Variants in KCNIP1 observed in about 807,000 individuals in gnomAD.
KCNIP1 encodes potassium voltage-gated channel interacting protein 1.
KCNIP1 carries 18 observed loss-of-function variants against 33.0 expected under a neutral mutation model. The ratio of observed to expected loss-of-function variants is 0.55; its 90% CI spans 0.38 to 0.81. The LOEUF (loss-of-function observed/expected upper bound fraction) is 0.81, where lower values mean the gene tolerates loss of function less well. KCNIP1 is among the 30% of genes least tolerant of loss of function. The probability of loss-of-function intolerance (pLI) is 0.00; values close to 1 mark genes in which losing one functional copy is unlikely to be tolerated. For missense variants in KCNIP1, 238 were observed against 271.6 expected (o/e 0.88, Z 0.87); for synonymous variants, 93 against 98.3 (o/e 0.95, Z 0.32).
At chr5:170,453,402 A>G (rs1020123186) in intron 1 of KCNIP1, among the ~76,000 whole-genome samples, 1 of 152,202 alleles carries the variant, frequency 6.6e-6, no homozygotes, top group Non-Finnish European at 1.5e-5. Context: ...CCACCATACC[A>G]CCAAAGAAAA....
chr5:170,388,018 G>GCC (rs3838244), intron 1 of KCNIP1, among the ~76,000 whole-genome samples: 4 of 148,796 alleles, frequency 2.7e-5, no homozygotes, highest in South Asian at 2.1e-4. Context: ...TGGCTAATCA[G>GCC]CCCCCCCCAG....
Position 170,672,325 on chromosome 5 carries a change from G to T in KCNIP1, c.62-46433G>T, listed in dbSNP as rs147498451. On this transcript the variant is annotated intron_variant, in intron 1 of 7. Transcript: ENST00000328939. ...AGCATGGAAGGGACTGGCATGGTGA[G>T]ACCTGTGATATGGAGAACTCCCTCT... 5.3e-5 allele frequency among the ~76,000 whole-genome samples: 8 copies of T among 152,348 alleles called. No homozygotes were observed. The East Asian group carries it at 1.5e-3, about 29-fold the overall frequency.
At chr5:170,519,025 T>C (rs1034135117) in intron 1 of KCNIP1, among the ~76,000 whole-genome samples, 2 of 152,144 alleles carry the variant, frequency 1.3e-5, no homozygotes, top group Non-Finnish European at 2.9e-5. Flanking sequence ...TCTAGGCAAG[T>C]CAGAGGCACC....
At chr5:170,572,533 G>C (rs932059422) in intron 1 of KCNIP1, among the ~76,000 whole-genome samples, 2 of 152,162 alleles carry the variant, frequency 1.3e-5, no homozygotes, top group Non-Finnish European at 2.9e-5. Flanking sequence ...AAAAGATCAA[G>C]GCATACGTGG....
In KCNIP1 at chr5:170,548,310, G is replaced by A. The variant is rs148097859; in HGVS notation, c.61+43677G>A. On this transcript the variant is annotated intron_variant, in intron 1 of 7. Coordinates refer to ENST00000328939, the MANE Select transcript of KCNIP1 (RefSeq NM_014592.4). ...CTAATATCGGAAGCTTTAATAATCA[G>A]ATTCTGCTATCTCTTTTTCCTGCAA... is the stretch of plus-strand genomic sequence containing the variant. Among the ~76,000 whole-genome samples the A allele has an allele frequency of 1.2e-4, 18 of 152,256 alleles. No individual in the cohort carries two copies. The East Asian group carries it at 3.5e-3, about 29-fold the overall frequency.
intron 1 of KCNIP1, among the ~76,000 whole-genome samples, chr5:170,410,847 G>A (rs1179699342): frequency 6.6e-6 from 1 of 152,232 alleles, no homozygotes; most frequent in Non-Finnish European, 1.5e-5. Flanking sequence ...GCACAAAGAT[G>A]CCTAGGAGGA....
At chr5:170,679,955 C>A (rs1489395040) in intron 1 of KCNIP1, among the ~76,000 whole-genome samples, 2 of 151,992 alleles carry the variant, frequency 1.3e-5, no homozygotes, top group Admixed American at 6.6e-5. Context: ...ATGTAGGTAT[C>A]CTTACAAGTG....
At chr5:170,472,578 C>G (rs1232404157) in intron 1 of KCNIP1, among the ~76,000 whole-genome samples, 1 of 141,306 alleles carries the variant, frequency 7.1e-6, no homozygotes, top group African/African-American at 2.6e-5. Context: ...TCCCTCGCCC[C>G]CCTCCCACCC....
chr5:170,644,338 C>G (rs1760701870), intron 1 of KCNIP1, among the ~76,000 whole-genome samples: 1 of 152,256 alleles, frequency 6.6e-6, no homozygotes. Flanking sequence ...GTGCGGGAGA[C>G]TCTTGAGCAG....
chr5:170,387,808 A>G (rs1764538651), intron 1 of KCNIP1, among the ~76,000 whole-genome samples: 1 of 152,222 alleles, frequency 6.6e-6, no homozygotes, highest in Non-Finnish European at 1.5e-5. Context: ...GAGGTAAGCT[A>G]AAAGCCCCAA....
intron 1 of KCNIP1, among the ~76,000 whole-genome samples, chr5:170,558,430 T>C (rs1430790279): frequency 6.6e-6 from 1 of 152,246 alleles, no homozygotes; most frequent in African/African-American, 2.4e-5. Context: ...TTTAAACTGG[T>C]TGTGACCTAA....
chr5:170,674,007 T>A (rs1434560960), intron 1 of KCNIP1, among the ~76,000 whole-genome samples: 2 of 152,060 alleles, frequency 1.3e-5, no homozygotes, highest in East Asian at 3.9e-4. Flanking sequence ...CTAAAGCAGG[T>A]TGTCTCCATC....
chr5:170,445,377 A>C (rs1756088717), intron 1 of KCNIP1, among the ~76,000 whole-genome samples: 1 of 152,250 alleles, frequency 6.6e-6, no homozygotes, highest in Non-Finnish European at 1.5e-5. Flanking sequence ...GGAAAAGCAG[A>C]GGGCAAGCCA....
In KCNIP1 at chr5:170,410,503, C is replaced by CT. The variant is rs33956860; in HGVS notation, c.88+56551dup. Reference sequence around the variant, plus strand: ...CCCTGAAATGGAATAGGAAGGCTGGCTTTTTTTTTTTTCTTTTTTAGCTCA... The same window carrying CT: ...CCCTGAAATGGAATAGGAAGGCTGGCTTTTTTTTTTTTTCTTTTTTAGCTCA... On this transcript the variant is annotated intron_variant, in intron 1 of 7. Transcript: ENST00000377360. Among the ~76,000 whole-genome samples the CT allele has an allele frequency of 1.2e-3, 172 of 147,796 alleles. 1 individual carries two copies. Among genetic ancestry groups the CT allele is most frequent in the South Asian group, 2.8e-3 (13 of 4,664 alleles).
chr5:170,531,885 G>A (rs1398045109), intron 1 of KCNIP1, among the ~76,000 whole-genome samples: 1 of 148,736 alleles, frequency 6.7e-6, no homozygotes, highest in Non-Finnish European at 1.5e-5. Flanking sequence ...CTAGAATCCA[G>A]CTACAAACAT....
rs1364425615 is a variant in KCNIP1 at position 170,721,848 on chromosome 5, C to A, written c.272C>A (p.Ala91Asp). Residue 91 changes from alanine (A) to aspartate (D), a missense_variant, in exon 4 of 8, where the codon GCC (alanine) becomes GAC (aspartate). Ala to Asp is a moderately radical substitution (Grantham distance 126). Transcript: ENST00000328939. ...TGCCTTGTAGATGCCAGCACGTATG[C>A]CCATTACCTCTTCAATGCCTTCGAC... ...FFPHGDASTY[A>D]HYLFNAFDTT... 6.2e-7 allele frequency: 1 copy of A among 1,614,164 alleles called. No individual in the cohort carries two copies. The highest frequency in any genetic ancestry group is 1.7e-5 in the Admixed American group (1 of 60,022).
At chr5:170,707,191 AC>A (rs1267870960) in intron 1 of KCNIP1, among the ~76,000 whole-genome samples, 1 of 149,858 alleles carries the variant, frequency 6.7e-6, no homozygotes, top group African/African-American at 2.5e-5. Context: ...ATCCCAGGGC[AC>A]TTTTTCCAGA....
intron 1 of KCNIP1, among the ~76,000 whole-genome samples, chr5:170,659,076 C>G (rs1761379025): frequency 6.6e-6 from 1 of 152,172 alleles, no homozygotes; most frequent in African/African-American, 2.4e-5. Flanking sequence ...GCCTCTCAGT[C>G]CTGACTGCTC....
chr5:170,492,204 ATTCCTAAGACTCC>A (rs1242652332), intron 1 of KCNIP1, among the ~76,000 whole-genome samples: 1 of 152,222 alleles, frequency 6.6e-6, no homozygotes, highest in East Asian at 1.9e-4. Context: ...TAAGTCAAGG[ATTCCTAAGACTCC>A]TTCCTCAGGT....
Sources: allele counts gnomAD v4.1 joint callset (sites outside exome capture counted in the v4.1 genomes callset), GRCh38; gene constraint gnomAD v4.1.1; transcripts MANE v1.5; gene names NCBI Gene and HGNC (gene_info 2026-07-23, HGNC 2026-07-21).